The following ICE2 variants were observed in gnomAD, a reference collection of about 807,000 sequenced individuals.
The protein encoded by ICE2 is little elongation complex subunit 2.
In ICE2, 87 loss-of-function variants were observed where a neutral mutation model predicts 105.4. The observed-to-expected ratio is 0.83, with a 90% CI of 0.69 to 0.99. ICE2 has a LOEUF of 0.99. Among genes scored for constraint, ICE2 ranks in the 50% least tolerant of loss-of-function variants. The probability of loss-of-function intolerance (pLI) is 0.00; values close to 1 mark genes in which losing one functional copy is unlikely to be tolerated. For missense variants in ICE2, 1,323 were observed against 1,146.7 expected (o/e 1.15, Z -2.22); for synonymous variants, 399 against 392.0 (o/e 1.02, Z -0.21).
Position 60,428,642 on chromosome 15 carries a change from A to G in ICE2, c.2607T>C (p.Ser869=). 1.2e-6 allele frequency: 2 copies of G among 1,614,122 alleles called. No homozygotes were observed. Among genetic ancestry groups the G allele is most frequent in the Non-Finnish European group, 1.7e-6 (2 of 1,179,998 alleles). The change falls in exon 15 of 16, where the codon TCT becomes TCC. Residue 869 remains serine (S), a synonymous_variant. Coordinates refer to ENST00000261520, the MANE Select transcript of ICE2 (RefSeq NM_024611.6). ...SYLLSHAAED[S]SLLIYKASDG... is the part of the protein sequence containing the mutation. Reference sequence around the variant, plus strand: ...CAGAGGCCTTATAAATCAGGAGTGAAGAATCTTCTGCTGCATGAGATAACA... The same window carrying G: ...CAGAGGCCTTATAAATCAGGAGTGAGGAATCTTCTGCTGCATGAGATAACA...
chr15:60,450,296 T>C (rs976795524), intron 9 of ICE2, among the ~76,000 whole-genome samples: 1 of 152,150 alleles, frequency 6.6e-6, no homozygotes. Context: ...TCCAGAGAAG[T>C]GTCGCCAGCT....
chr15:60,453,308 T>C, intron 9 of ICE2: 1 of 1,118,152 alleles, frequency 8.9e-7, no homozygotes, highest in African/African-American at 1.6e-5. Flanking sequence ...CAAGGAGTTT[T>C]CACTACATAC....
chr15:60,443,280 C>G (rs2063757946), intron 11 of ICE2, among the ~76,000 whole-genome samples: 1 of 152,202 alleles, frequency 6.6e-6, no homozygotes, highest in South Asian at 2.1e-4. Flanking sequence ...TAACAGGAGT[C>G]TATTTCCAGT....
chr15:60,455,220 A>C (rs2064072343), intron 7 of ICE2, 58 bp from the exon 8 acceptor site: 1 of 1,536,860 alleles, frequency 6.5e-7, no homozygotes, highest in Non-Finnish European at 8.8e-7. Context: ...TTCTTCAATA[A>C]AGAACAAAAA....
intron 11 of ICE2, chr15:60,445,670 C>T (rs998805918): frequency 1.0e-6 from 1 of 985,026 alleles, no homozygotes; most frequent in Non-Finnish European, 1.2e-6. Context: ...TCACCTTAGT[C>T]AAGTGAATTA....
rs180889965 is a variant in ICE2 at position 60,477,623 on chromosome 15, G to A, written c.41+314C>T. ...TCTTTTTTATTACTTGTATGGAAAT[G>A]GGCCAAGGTTCTTGGACTCAAGAAA... On this transcript the variant is annotated intron_variant, in intron 2 of 15. Coordinates refer to ENST00000261520, the MANE Select transcript of ICE2 (RefSeq NM_024611.6). Among the ~76,000 whole-genome samples, 91 of 152,190 alleles carry A rather than the reference G, an allele frequency of 6.0e-4. 1 individual carries two copies. The highest frequency in any genetic ancestry group is 6.3e-4 in the Non-Finnish European group (43 of 67,986).
chr15:60,476,242 T>C, intron 2 of ICE2, 75 bp from the exon 3 acceptor site: 3 of 889,266 alleles, frequency 3.4e-6, no homozygotes, highest in South Asian at 1.5e-5. Flanking sequence ...AATGGCACAA[T>C]TGTAACTTAC....
chr15:60,466,812 A>G (rs12907068), intron 4 of ICE2, 99 bp from the exon 5 acceptor site: 117,534 of 976,488 alleles, frequency 0.12, 8,097 homozygotes, highest in Middle Eastern at 0.23. Flanking sequence ...TTAAAGAATA[A>G]TTAAAGTATC....
rs1319787282 is a variant in ICE2, at chr15:60,479,133, G to A, written c.-223C>T. The A allele has an allele frequency of 9.8e-6, 4 of 407,398 alleles. No homozygotes were observed. Among genetic ancestry groups the A allele is most frequent in the East Asian group, 1.6e-4 (2 of 12,578 alleles). The allele number at this position is 407,398 out of a possible 1,614,324, so 25.2% of individuals were successfully genotyped here. On this transcript the variant is annotated 5_prime_UTR_variant, in exon 1 of 16. Transcript: ENST00000261520. ...GATGTGGCCGCGCCGACTCGGCCCT[G>A]CGTGATGACGTCTCAGCGACATAGT...
intron 5 of ICE2, among the ~76,000 whole-genome samples, chr15:60,464,452 T>C (rs1285812963): frequency 2.0e-5 from 3 of 152,132 alleles, no homozygotes; most frequent in Non-Finnish European, 4.4e-5. Context: ...CTACATTCCA[T>C]AGGGTAATCA....
At chr15:60,463,005 C>T (rs1016026323) in intron 5 of ICE2, among the ~76,000 whole-genome samples, 1 of 152,080 alleles carries the variant, frequency 6.6e-6, no homozygotes, top group Non-Finnish European at 1.5e-5. Context: ...TCACAACGTA[C>T]AGCATTCAAT....
chr15:60,438,569 T>A (rs944643200), intron 12 of ICE2: 14 of 152,234 alleles, frequency 9.2e-5, no homozygotes. Context: ...TAATAACTTT[T>A]AGATGTTTAC....
chr15:60,453,843 AAAACAGGATG>A, intron 8 of ICE2, 59 bp from the exon 9 acceptor site: 1 of 1,332,392 alleles, frequency 7.5e-7, no homozygotes, highest in Non-Finnish European at 1.1e-6. Flanking sequence ...ATATTTTTTA[AAAACAGGATG>A]TATGACATGA....
At chr15:60,476,867 C>T (rs940997220) in intron 2 of ICE2, among the ~76,000 whole-genome samples, 24 of 152,134 alleles carry the variant, frequency 1.6e-4, no homozygotes, top group African/African-American at 5.8e-4. Flanking sequence ...AAGGATAATT[C>T]CAAGGGCTAC....
chr15:60,442,523 G>GGTAGTATT lies in ICE2; in HGVS notation c.2317_2318insAATACTAC (p.Pro773GlnfsTer6). On this transcript the variant is annotated frameshift_variant, in exon 12 of 16. Coordinates refer to ENST00000261520, the MANE Select transcript of ICE2 (RefSeq NM_024611.6). LOFTEE classifies it high-confidence loss of function. Reference sequence around the variant, plus strand: ...ATAACAAGCTTGATACTCTACTTTTGGTAGTACATAAACTGGAAATTGCTG... The same window carrying GGTAGTATT: ...ATAACAAGCTTGATACTCTACTTTTGGTAGTATTGTAGTACATAAACTGGAAATTGCTG... 1 of 1,574,376 alleles carries GGTAGTATT rather than the reference G, an allele frequency of 6.4e-7. No homozygotes were observed. Among genetic ancestry groups the GGTAGTATT allele is most frequent in the Non-Finnish European group, 8.6e-7 (1 of 1,169,402 alleles).
chr15:60,439,086 G>A (rs1017378374), intron 12 of ICE2: 1 of 152,120 alleles, frequency 6.6e-6, no homozygotes, highest in Non-Finnish European at 1.5e-5. Context: ...TCCTTGCTTT[G>A]CATGCAGTGT....
chr15:60,421,668 A>G lies in ICE2; in HGVS notation c.*1966T>C, dbSNP rs1566962000. 6.6e-6 allele frequency: 1 copy of G among 152,200 alleles called. No individual in the cohort carries two copies. The highest frequency in any genetic ancestry group is 1.5e-5 in the Non-Finnish European group (1 of 68,038). The allele number at this position is 152,200 out of a possible 1,614,324, so 9.4% of individuals were successfully genotyped here. On this transcript the variant is annotated 3_prime_UTR_variant, in exon 16 of 16. Transcript: ENST00000261520. ...TGCACACAAATGTACATTAAAAATA[A>G]AATAAAAAAGTGTAAGAGTACATTT...
chr15:60,452,829 T>C (rs2063997775), intron 9 of ICE2: 2 of 980,150 alleles, frequency 2.0e-6, no homozygotes, highest in South Asian at 9.4e-5. Flanking sequence ...TATTATGTAA[T>C]CTGCCCGAGG....
chr15:60,473,040 G>C (rs974892208), intron 3 of ICE2, among the ~76,000 whole-genome samples: 3 of 151,834 alleles, frequency 2.0e-5, no homozygotes, highest in Non-Finnish European at 4.4e-5. Context: ...ACGTCCCAGG[G>C]TCAAGTGATC....
Sources: allele counts gnomAD v4.1 joint callset (sites outside exome capture counted in the v4.1 genomes callset), GRCh38; gene constraint gnomAD v4.1.1; transcripts MANE v1.5; gene names NCBI Gene and HGNC (gene_info 2026-07-23, HGNC 2026-07-21).